The following CMIP variants were observed in gnomAD, a reference collection of about 807,000 sequenced individuals.
The protein encoded by CMIP is C-Maf-inducing protein.
CMIP carries 13 observed loss-of-function variants against 97.3 expected under a neutral mutation model. The observed-to-expected ratio is 0.13, with a 90% CI of 0.09 to 0.21. The LOEUF is 0.21. CMIP is among the 10% of genes least tolerant of loss of function. The pLI is 1.00. For missense variants in CMIP, 847 were observed against 1,024.9 expected, an observed-to-expected ratio of 0.83 and a Z score of 2.37; for synonymous variants, 538 against 436.3, an observed-to-expected ratio of 1.23 and a Z score of -2.91.
At chr16:81,468,675 C>A (rs774019965) in intron 1 of CMIP, among the ~76,000 whole-genome samples, 1 of 152,220 alleles carries the variant, frequency 6.6e-6, no homozygotes, top group Non-Finnish European at 1.5e-5. Context: ...ACAATCGGTT[C>A]CAGTGCCCGC....
intron 1 of CMIP, among the ~76,000 whole-genome samples, chr16:81,459,654 C>T (rs556516291): frequency 3.9e-5 from 6 of 152,224 alleles, no homozygotes; most frequent in Non-Finnish European, 7.3e-5. Context: ...GCATGCACTG[C>T]CTCTGACTGG....
rs1460401544 is a variant in CMIP at position 81,696,587 on chromosome 16, G to A, written c.1558G>A (p.Ala520Thr). The A allele has an allele frequency of 6.2e-7, 1 of 1,606,204 alleles. No homozygotes were observed. The highest frequency in any genetic ancestry group is 8.5e-7 in the Non-Finnish European group (1 of 1,179,820). ...EVHSCLLSVRAGKDGWFQLYS... is the reference protein window; with the variant it reads ...EVHSCLLSVRTGKDGWFQLYS... ...CCACTCATGCCTGCTGAGCGTGCGGGCCGGCAAAGATGGCTGGTTCCAGCT... is the reference window on the plus strand; with the variant it reads ...CCACTCATGCCTGCTGAGCGTGCGGACCGGCAAAGATGGCTGGTTCCAGCT... Residue 520 changes from alanine (A) to threonine (T), a missense_variant, in exon 14 of 21, where the codon GCC (alanine) becomes ACC (threonine). By Grantham distance (58) the Ala-to-Thr change is moderately conservative. Transcript: ENST00000537098.
chr16:81,563,533 A>G (rs904065050), intron 1 of CMIP, among the ~76,000 whole-genome samples: 4 of 152,210 alleles, frequency 2.6e-5, no homozygotes, highest in African/African-American at 9.6e-5. Flanking sequence ...CACGTACCGC[A>G]TTATAGTCTG....
intron 1 of CMIP, among the ~76,000 whole-genome samples, chr16:81,572,241 A>G (rs1367758526): frequency 6.6e-6 from 1 of 152,164 alleles, no homozygotes; most frequent in Non-Finnish European, 1.5e-5. Flanking sequence ...TCCATTTCTC[A>G]TCTCTGTCTA....
At chr16:81,606,253 C>G (rs2091742073) in intron 1 of CMIP, among the ~76,000 whole-genome samples, 1 of 152,224 alleles carries the variant, frequency 6.6e-6, no homozygotes, top group South Asian at 2.1e-4. Context: ...CCTCCTGAGC[C>G]TCAGCTTCCT....
In CMIP at chr16:81,662,714, G is replaced by A. The variant is rs191210709; in HGVS notation, c.745-1555G>A. 2.9e-3 allele frequency among the ~76,000 whole-genome samples: 441 copies of A among 152,316 alleles called. 2 individuals are homozygous for A. Among genetic ancestry groups the A allele is most frequent in the African/African-American group, 9.8e-3 (406 of 41,574 alleles). On this transcript the variant is annotated intron_variant, in intron 6 of 20. Coordinates refer to ENST00000537098, the MANE Select transcript of CMIP (RefSeq NM_198390.3). ...TCTGGGGGCCGGGTGGGTGATACAT[G>A]TGTGCAGGACACGAGGGAGGGGCTG...
rs770486688 is a variant in CMIP, at chr16:81,701,807, C to T, written c.1896+7C>T. On this transcript the variant is annotated splice_region_variant and intron_variant, in intron 16 of 20. Coordinates refer to ENST00000537098, the MANE Select transcript of CMIP (RefSeq NM_198390.3). ...GCGGGAGCTGAAGGAGCTGGTGAGT[C>T]CCCGGCTGCTCCGGACCACTCCCCT... The T allele has an allele frequency of 1.9e-6, 3 of 1,612,922 alleles. No homozygotes were observed. Among genetic ancestry groups the T allele is most frequent in the African/African-American group, 2.7e-5 (2 of 74,926 alleles).
chr16:81,512,938 T>C (rs2089841215), intron 1 of CMIP, among the ~76,000 whole-genome samples: 1 of 152,178 alleles, frequency 6.6e-6, no homozygotes, highest in Non-Finnish European at 1.5e-5. Flanking sequence ...GGTTTCTCCA[T>C]GTTGCCCAAG....
At chr16:81,589,004 A>T (rs189315617) in intron 1 of CMIP, among the ~76,000 whole-genome samples, 28 of 151,992 alleles carry the variant, frequency 1.8e-4, no homozygotes, top group Admixed American at 3.9e-4. Flanking sequence ...GTTCTTTACC[A>T]TTACAACTTG....
intron 1 of CMIP, among the ~76,000 whole-genome samples, chr16:81,600,139 A>C (rs1481858278): frequency 6.6e-6 from 1 of 151,870 alleles, no homozygotes; most frequent in Non-Finnish European, 1.5e-5. Flanking sequence ...ATTAGCCAGG[A>C]GTGGTGGTGG....
intron 3 of CMIP, among the ~76,000 whole-genome samples, chr16:81,637,987 C>A (rs2092257853): frequency 6.6e-6 from 1 of 152,170 alleles, no homozygotes; most frequent in Non-Finnish European, 1.5e-5. Flanking sequence ...GGGCTCCACC[C>A]TCATGAACTA....
At chr16:81,459,865 T>C (rs1415943585) in intron 1 of CMIP, among the ~76,000 whole-genome samples, 1 of 152,192 alleles carries the variant, frequency 6.6e-6, no homozygotes, top group East Asian at 1.9e-4. Flanking sequence ...TTCCCACTCT[T>C]AGGAGGTGGC....
chr16:81,645,617 C>T, intron 3 of CMIP: 1 of 1,535,714 alleles, frequency 6.5e-7, no homozygotes, highest in Non-Finnish European at 8.7e-7. Context: ...CCTTCCTTGA[C>T]AAGCAGAGAG....
chr16:81,680,428 C>T (rs909980190), intron 10 of CMIP, among the ~76,000 whole-genome samples: 6 of 152,216 alleles, frequency 3.9e-5, no homozygotes, highest in African/African-American at 1.4e-4. Context: ...TGCGCACACA[C>T]GTTCACAAGG....
rs1280545303 is a variant in CMIP, at chr16:81,471,440, G to T, written c.300+25899G>T. Among the ~76,000 whole-genome samples the T allele has an allele frequency of 3.3e-5, 5 of 152,054 alleles. No homozygotes were observed. In the East Asian group the frequency reaches 9.7e-4, roughly 29 times the overall value. ...CATACATGTACATGCACATACATTT[G>T]TACATGCATATGTACACATACACAT... is the stretch of plus-strand genomic sequence containing the variant. On this transcript the variant is annotated intron_variant, in intron 1 of 20. Coordinates refer to ENST00000537098, the MANE Select transcript of CMIP (RefSeq NM_198390.3).
At chr16:81,577,685 T>A (rs1361996412) in intron 1 of CMIP, among the ~76,000 whole-genome samples, 3 of 146,842 alleles carry the variant, frequency 2.0e-5, no homozygotes, top group South Asian at 4.4e-4. Context: ...TACCACTACA[T>A]TATTATCACT....
chr16:81,655,074 A>G lies in CMIP; in HGVS notation c.640-2701A>G, dbSNP rs79772136. ...GCATAAAGTGCTTGGCACTGTGCCT[A>G]ACTTGCAAGGGCCTTTGATACATGG... On this transcript the variant is annotated intron_variant, in intron 4 of 20. Coordinates refer to ENST00000537098, the MANE Select transcript of CMIP (RefSeq NM_198390.3). The surrounding 1 kb of genome is among the most constrained non-coding windows in gnomAD (Gnocchi z 4.9). Among the ~76,000 whole-genome samples the G allele has an allele frequency of 9.8e-3, 1,486 of 152,298 alleles. 11 individuals are homozygous for G. Among genetic ancestry groups the G allele is most frequent in the Non-Finnish European group, 0.014 (967 of 68,018 alleles).
At chr16:81,523,609 C>G (rs756297544) in intron 1 of CMIP, among the ~76,000 whole-genome samples, 18 of 152,214 alleles carry the variant, frequency 1.2e-4, no homozygotes, top group Non-Finnish European at 2.1e-4. Context: ...CCGTGGTTGC[C>G]TCATTTAGAT....
intron 1 of CMIP, among the ~76,000 whole-genome samples, chr16:81,449,177 G>A (rs1191543376): frequency 6.6e-6 from 1 of 152,236 alleles, no homozygotes; most frequent in South Asian, 2.1e-4. Context: ...GTGGCACACG[G>A]TATTTCAGAA....
Sources: allele counts gnomAD v4.1 joint callset (sites outside exome capture counted in the v4.1 genomes callset), GRCh38; gene constraint gnomAD v4.1.1; non-coding constraint Gnocchi (gnomAD v3.1); transcripts MANE v1.5; gene names NCBI Gene and HGNC (gene_info 2026-07-23, HGNC 2026-07-21).